The following ATP6V1H variants were observed in gnomAD, a reference collection of about 807,000 sequenced individuals.
ATP6V1H encodes the protein V-type proton ATPase subunit H.
In ATP6V1H, 39 loss-of-function variants were observed where a neutral mutation model predicts 71.7. The observed-to-expected ratio is 0.54, with a 90% CI of 0.42 to 0.71. ATP6V1H has a LOEUF of 0.71. ATP6V1H is among the 30% of genes least tolerant of loss of function. The pLI is 0.00. For missense variants in ATP6V1H, 509 were observed against 594.9 expected (o/e 0.86, Z 1.50); for synonymous variants, 192 against 199.3 (o/e 0.96, Z 0.31).
chr8:53,719,213 C>A (rs187153974), intron 13 of ATP6V1H, among the ~76,000 whole-genome samples: 114 of 152,184 alleles, frequency 7.5e-4, no homozygotes, highest in Middle Eastern at 3.4e-3. Context: ...CTTTATTGCC[C>A]AGGCTGGAGT....
chr8:53,824,349 G>GA, intron 4 of ATP6V1H, among the ~76,000 whole-genome samples: 1 of 152,030 alleles, frequency 6.6e-6, no homozygotes, highest in South Asian at 2.1e-4. Flanking sequence ...AGCAAATAAA[G>GA]AAAAACCTCC....
chr8:53,782,842 G>C lies in ATP6V1H; in HGVS notation c.871-10675C>G, dbSNP rs1312172132. ...TGGTTCTGTTTATATGCTAGATTAC[G>C]TTTATTGATTTTCGTATGTTGAACC... On this transcript the variant is annotated intron_variant, in intron 9 of 13. Transcript: ENST00000359530. Among the ~76,000 whole-genome samples the C allele has an allele frequency of 3.5e-3, 532 of 152,236 alleles. 3 individuals carry two copies. Among genetic ancestry groups the C allele is most frequent in the African/African-American group, 0.012 (490 of 41,524 alleles).
chr8:53,780,064 C>T (rs1250551691), intron 9 of ATP6V1H, among the ~76,000 whole-genome samples: 2 of 149,860 alleles, frequency 1.3e-5, no homozygotes, highest in Admixed American at 1.3e-4. Flanking sequence ...AAGGCTGAGG[C>T]AGGAGAATCA....
chr8:53,772,238 T>G (rs560798685), intron 9 of ATP6V1H, 71 bp from the exon 10 acceptor site: 23 of 1,214,292 alleles, frequency 1.9e-5, no homozygotes, highest in Middle Eastern at 2.4e-4. Flanking sequence ...CCTCTGCACA[T>G]TCTTTTATAG....
intron 11 of ATP6V1H, among the ~76,000 whole-genome samples, chr8:53,767,583 T>G (rs980845843): frequency 7.2e-5 from 11 of 152,178 alleles, no homozygotes; most frequent in African/African-American, 2.7e-4. Context: ...AAACTGACTA[T>G]AAAGCAACAG....
intron 12 of ATP6V1H, among the ~76,000 whole-genome samples, chr8:53,754,195 A>G (rs1807909637): frequency 6.6e-6 from 1 of 152,230 alleles, no homozygotes; most frequent in African/African-American, 2.4e-5. Context: ...GTTCAGAAAG[A>G]TGAGAGATAG....
chr8:53,766,067 A>G (rs1479463767), intron 11 of ATP6V1H, among the ~76,000 whole-genome samples: 1 of 152,244 alleles, frequency 6.6e-6, no homozygotes, highest in East Asian at 1.9e-4. Flanking sequence ...CCACAGAGCT[A>G]TACACAAAGT....
chr8:53,716,135 A>C, intron 13 of ATP6V1H, 111 bp from the exon 14 acceptor site: 1 of 796,516 alleles, frequency 1.3e-6, no homozygotes, highest in Admixed American at 3.1e-5. Context: ...ACATCCAAAA[A>C]TAACTAAAAA....
At chr8:53,782,756 T>G (rs1183154408) in intron 9 of ATP6V1H, among the ~76,000 whole-genome samples, 1 of 152,216 alleles carries the variant, frequency 6.6e-6, no homozygotes, top group African/African-American at 2.4e-5. Context: ...CATGAAGGGT[T>G]GTTGAATTTT....
At chr8:53,740,995 C>A (rs1287864412) in intron 13 of ATP6V1H, among the ~76,000 whole-genome samples, 1 of 152,114 alleles carries the variant, frequency 6.6e-6, no homozygotes, top group African/African-American at 2.4e-5. Context: ...TACTAAGCTT[C>A]TCCATTAAAT....
At chr8:53,777,702 G>A (rs775522678) in intron 9 of ATP6V1H, among the ~76,000 whole-genome samples, 10 of 152,040 alleles carry the variant, frequency 6.6e-5, no homozygotes, top group Non-Finnish European at 1.3e-4. Flanking sequence ...CTACTACTAC[G>A]GTGCAAAAGC....
At chr8:53,790,893 G>A (rs1479394879) in intron 9 of ATP6V1H, among the ~76,000 whole-genome samples, 1 of 152,136 alleles carries the variant, frequency 6.6e-6, no homozygotes, top group African/African-American at 2.4e-5. Flanking sequence ...GATATTGTGG[G>A]TAATTTACAA....
At chr8:53,737,523 A>C (rs7006934) in intron 13 of ATP6V1H, among the ~76,000 whole-genome samples, 1 of 152,192 alleles carries the variant, frequency 6.6e-6, no homozygotes, top group African/African-American at 2.4e-5. Flanking sequence ...TAAATGCCTA[A>C]CCCTTAAGGA....
intron 8 of ATP6V1H, among the ~76,000 whole-genome samples, chr8:53,799,828 AG>A (rs1185008389): frequency 2.0e-5 from 3 of 152,180 alleles, no homozygotes; most frequent in Non-Finnish European, 2.9e-5. Flanking sequence ...CTGAGTTTAC[AG>A]TGAAAAGATG....
At chr8:53,717,375 A>G (rs1294902147) in intron 13 of ATP6V1H, among the ~76,000 whole-genome samples, 3 of 152,188 alleles carry the variant, frequency 2.0e-5, no homozygotes, top group South Asian at 4.1e-4. Context: ...ACTCCCCCCA[A>G]TCCAAAGGCT....
At chr8:53,828,850 A>C (rs571094437) in intron 4 of ATP6V1H, among the ~76,000 whole-genome samples, 11 of 152,158 alleles carry the variant, frequency 7.2e-5, no homozygotes, top group Non-Finnish European at 1.6e-4. Flanking sequence ...GGCCGATCTC[A>C]TAAGAACTGC....
At position 53,832,949 on chromosome 8, in the gene ATP6V1H, G is replaced by A. The variant is rs369746908; in HGVS notation, c.216+35C>T. The A allele has an allele frequency of 2.8e-5, 39 of 1,405,214 alleles. 1 individual carries two copies. The highest frequency in any genetic ancestry group is 9.6e-5 in the South Asian group (8 of 83,342). 87.0% of individuals were successfully genotyped at this position (1,405,214 alleles called of 1,614,324 possible). On this transcript the variant is annotated intron_variant, in intron 3 of 13. Transcript: ENST00000359530. ...ATTTTTCTAAACTTTTGGATGACACGGGGAAGTGTTCATTATATAATGTTT... is the reference window on the plus strand; with the variant it reads ...ATTTTTCTAAACTTTTGGATGACACAGGGAAGTGTTCATTATATAATGTTT...
At position 53,832,971 on chromosome 8, in the gene ATP6V1H, G is replaced by A. The variant is rs769267872; in HGVS notation, c.216+13C>T. 1.3e-6 allele frequency: 2 copies of A among 1,577,364 alleles called. No homozygotes were observed. Among genetic ancestry groups the A allele is most frequent in the African/African-American group, 2.7e-5 (2 of 74,010 alleles). On this transcript the variant is annotated intron_variant, in intron 3 of 13. Coordinates refer to ENST00000359530, the MANE Select transcript of ATP6V1H (RefSeq NM_015941.4). ...CACGGGGAAGTGTTCATTATATAAT[G>A]TTTATTCATCACCTGGCTGCCTTCA...
chr8:53,817,106 C>T (rs1422780111), intron 5 of ATP6V1H, among the ~76,000 whole-genome samples: 1 of 152,056 alleles, frequency 6.6e-6, no homozygotes, highest in Non-Finnish European at 1.5e-5. Flanking sequence ...TGGGAACGGA[C>T]AGGTTACTAT....
Sources: allele counts gnomAD v4.1 joint callset (sites outside exome capture counted in the v4.1 genomes callset), GRCh38; gene constraint gnomAD v4.1.1; transcripts MANE v1.5; gene names NCBI Gene and HGNC (gene_info 2026-07-23, HGNC 2026-07-21).